The following FER1L6 variants were observed in gnomAD, a reference collection of about 807,000 sequenced individuals.
FER1L6 encodes fer-1 like family member 6.
FER1L6 carries 177 observed loss-of-function variants against 219.2 expected under a neutral mutation model. That is an observed-to-expected ratio of 0.81 (90% CI 0.71 to 0.91). The LOEUF is 0.91. Ranked by LOEUF, FER1L6 falls within the 40% of genes least tolerant of loss-of-function variation. FER1L6 has a pLI of 0.00. For synonymous variants in FER1L6, 768 were observed against 824.3 expected (o/e 0.93, Z 1.17); for missense variants, 2,153 against 2,259.9 (o/e 0.95, Z 0.96).
At chr8:123,904,463 C>T (rs983577201) in intron 1 of FER1L6, among the ~76,000 whole-genome samples, 2 of 152,120 alleles carry the variant, frequency 1.3e-5, no homozygotes, top group Non-Finnish European at 2.9e-5. Flanking sequence ...CAAGCAACTA[C>T]TTATGAGAGC....
chr8:123,873,253 C>T (rs1471942948), intron 1 of FER1L6, among the ~76,000 whole-genome samples: 1 of 152,216 alleles, frequency 6.6e-6, no homozygotes, highest in Non-Finnish European at 1.5e-5. Context: ...GGACTCTCAT[C>T]TCCATGTGGC....
Position 123,974,659 on chromosome 8 carries a change from C to CAAAAAAAAAAAAAAAAAAAAA in FER1L6, c.527-488_527-468dup, listed in dbSNP as rs994690186. On this transcript the variant is annotated intron_variant, in intron 7 of 40. Transcript: ENST00000522917. The stretch of plus-strand genomic sequence containing the variant: ...CAGGCATCACAGCGAGACTCTGTCT[C>CAAAAAAAAAAAAAAAAAAAAA]AAAAAAAAAAAAAAAAAAAAAAAGA... Among the ~76,000 whole-genome samples the CAAAAAAAAAAAAAAAAAAAAA allele has an allele frequency of 1.1e-3, 53 of 47,770 alleles. 1 individual carries two copies. Among genetic ancestry groups the CAAAAAAAAAAAAAAAAAAAAA allele is most frequent in the Non-Finnish European group, 1.4e-3 (32 of 22,380 alleles). The allele number at this position is 47,770 out of a possible 152,430, so 31.3% of individuals were successfully genotyped here.
intron 1 of FER1L6, among the ~76,000 whole-genome samples, chr8:123,938,915 A>G (rs1814113007): frequency 6.6e-6 from 1 of 152,230 alleles, no homozygotes; most frequent in Admixed American, 6.5e-5. Context: ...AAAAATACAA[A>G]CAAAGCTTTA....
At chr8:124,003,127 C>T (rs1817491320) in intron 12 of FER1L6, 40 bp from the exon 13 acceptor site, 1 of 1,573,598 alleles carries the variant, frequency 6.4e-7, no homozygotes, top group African/African-American at 1.3e-5. Flanking sequence ...ATTCTGATTA[C>T]CACCACCTGA....
At chr8:124,110,045 A>G (rs1177117530) in intron 39 of FER1L6, among the ~76,000 whole-genome samples, 1 of 152,080 alleles carries the variant, frequency 6.6e-6, no homozygotes, top group East Asian at 1.9e-4. Flanking sequence ...AACTAATCAC[A>G]TATGACGGCC....
intron 1 of FER1L6, among the ~76,000 whole-genome samples, chr8:123,855,622 T>C (rs1281168030): frequency 6.7e-6 from 1 of 149,448 alleles, no homozygotes; most frequent in African/African-American, 2.5e-5. Flanking sequence ...CCCCACAAAG[T>C]TGTAAACAGA....
intron 12 of FER1L6, among the ~76,000 whole-genome samples, chr8:123,988,086 C>G (rs996976951): frequency 2.0e-5 from 3 of 146,736 alleles, no homozygotes; most frequent in African/African-American, 7.9e-5. Context: ...CGACAGAGCG[C>G]AACTCAAAAA....
At chr8:124,044,413 T>G (rs1234519838) in intron 20 of FER1L6, among the ~76,000 whole-genome samples, 1 of 152,234 alleles carries the variant, frequency 6.6e-6, no homozygotes, top group African/African-American at 2.4e-5. Context: ...CACAATATTT[T>G]TATGACCCAC....
At chr8:123,917,859 C>T (rs777535099) in intron 1 of FER1L6, among the ~76,000 whole-genome samples, 1 of 152,214 alleles carries the variant, frequency 6.6e-6, no homozygotes, top group Non-Finnish European at 1.5e-5. Context: ...GGGAAAATGA[C>T]TGAAAAGTTT....
At chr8:124,060,031 T>C (rs1300792844) in intron 22 of FER1L6, 149 bp from the exon 23 acceptor site, 20 of 623,390 alleles carry the variant, frequency 3.2e-5, no homozygotes, top group Non-Finnish European at 5.1e-5. Flanking sequence ...TAATTAAATA[T>C]GGTAAAATGC....
intron 26 of FER1L6, 66 bp from the exon 27 acceptor site, chr8:124,066,362 C>T (rs1022271631): frequency 1.3e-4 from 205 of 1,567,296 alleles, no homozygotes; most frequent in African/African-American, 1.2e-3. Flanking sequence ...CCTCACAAGC[C>T]AGTTGACCAT....
rs375748690 is a variant in FER1L6, at chr8:124,045,892, C to A, written c.2715C>A (p.Ser905Arg). ...TAGTGGTGGTGGAGCTGTATGACAG[C>A]GACGCTGTGGTGAGTGTCCCCCTGG... is the stretch of plus-strand genomic sequence containing the variant. ...PPLVVVELYD[S>R]DAVGKPEYLG... The change falls in exon 21 of 41, where the codon AGC (serine) becomes AGA (arginine). Residue 905 changes from serine to arginine, a missense_variant. Physicochemically the swap from Ser to Arg is moderately radical, Grantham distance 110. Coordinates refer to ENST00000522917, the MANE Select transcript of FER1L6 (RefSeq NM_001039112.2). 1 of 1,613,762 alleles carries A rather than the reference C, an allele frequency of 6.2e-7. No homozygotes were observed. Among genetic ancestry groups the A allele is most frequent in the Admixed American group, 1.7e-5 (1 of 60,012 alleles).
At chr8:123,934,945 T>C (rs936904286) in intron 1 of FER1L6, among the ~76,000 whole-genome samples, 1 of 152,216 alleles carries the variant, frequency 6.6e-6, no homozygotes, top group African/African-American at 2.4e-5. Flanking sequence ...ACCATGATTG[T>C]AAGTTTCCTG....
intron 1 of FER1L6, among the ~76,000 whole-genome samples, chr8:123,870,517 C>T (rs1816907464): frequency 2.0e-5 from 3 of 152,164 alleles, no homozygotes; most frequent in Non-Finnish European, 4.4e-5. Flanking sequence ...GAAATGTATA[C>T]ATCTTCAATG....
intron 1 of FER1L6, among the ~76,000 whole-genome samples, chr8:123,943,174 T>G (rs1814331969): frequency 6.6e-6 from 1 of 152,198 alleles, no homozygotes; most frequent in Non-Finnish European, 1.5e-5. Context: ...AAAAGTAAAG[T>G]GCTCAATAAA....
At chr8:123,864,834 T>G (rs1189256872) in intron 1 of FER1L6, among the ~76,000 whole-genome samples, 1 of 150,660 alleles carries the variant, frequency 6.6e-6, no homozygotes, top group Non-Finnish European at 1.5e-5. Context: ...AGCTCCATCA[T>G]CTCCTTTAAG....
chr8:123,915,796 C>T (rs926282054), intron 1 of FER1L6, among the ~76,000 whole-genome samples: 2 of 151,988 alleles, frequency 1.3e-5, no homozygotes, highest in Non-Finnish European at 2.9e-5. Context: ...GGATATGCAT[C>T]TAAACTGAGA....
chr8:124,087,893 AG>A (rs1821850691), intron 33 of FER1L6, among the ~76,000 whole-genome samples: 7 of 152,198 alleles, frequency 4.6e-5, no homozygotes, highest in Admixed American at 4.6e-4. Context: ...CCTGGATTAC[AG>A]GCAGAGACTC....
intron 33 of FER1L6, among the ~76,000 whole-genome samples, chr8:124,085,417 A>ATGTT (rs34061470): frequency 0.82 from 123,834 of 151,474 alleles, 51,194 homozygotes; most frequent in Non-Finnish European, 0.89. Flanking sequence ...TGTTGTTGGT[A>ATGTT]TGTTTCCATT....
Sources: allele counts gnomAD v4.1 joint callset (sites outside exome capture counted in the v4.1 genomes callset), GRCh38; gene constraint gnomAD v4.1.1; transcripts MANE v1.5; gene names NCBI Gene and HGNC (gene_info 2026-07-23, HGNC 2026-07-21).